Variants in RFX7 observed in about 807,000 individuals in gnomAD.
The protein encoded by RFX7 is DNA-binding protein RFX7.
A neutral mutation model predicts 111.8 loss-of-function variants in RFX7; 26 were observed. That is an observed-to-expected ratio of 0.23 (90% CI 0.17 to 0.32). The LOEUF is 0.32. RFX7 is among the 10% of genes least tolerant of loss of function. The pLI, the probability that RFX7 is intolerant of heterozygous loss-of-function variation, is 1.00. For synonymous variants in RFX7, 624 were observed against 624.4 expected (o/e 1.00, Z 0.01); for missense variants, 1,573 against 1,772.9 (o/e 0.89, Z 2.02).
At chr15:56,102,670 T>A (rs1360962466) in intron 6 of RFX7, among the ~76,000 whole-genome samples, 1 of 152,204 alleles carries the variant, frequency 6.6e-6, no homozygotes, top group Non-Finnish European at 1.5e-5. Flanking sequence ...AACCTTTTCG[T>A]TTCTCTTTTT....
chr15:56,100,938 A>C (rs1464404318), intron 8 of RFX7, among the ~76,000 whole-genome samples: 1 of 152,176 alleles, frequency 6.6e-6, no homozygotes, highest in East Asian at 1.9e-4. Flanking sequence ...AATTTTATTT[A>C]TAAGCATTAG....
At chr15:56,106,495 T>A (rs376354308) in intron 5 of RFX7, among the ~76,000 whole-genome samples, 59 of 152,300 alleles carry the variant, frequency 3.9e-4, no homozygotes, top group African/African-American at 1.3e-3. Flanking sequence ...AGGTTCTCAA[T>A]TTCTTTAATT....
At chr15:56,124,851 C>G (rs1199851706) in intron 5 of RFX7, among the ~76,000 whole-genome samples, 3 of 152,156 alleles carry the variant, frequency 2.0e-5, no homozygotes, top group Non-Finnish European at 4.4e-5. Flanking sequence ...TGTGAAGAAG[C>G]TTTTTGATCT....
intron 3 of RFX7, chr15:56,160,822 A>G (rs2042711588): frequency 6.6e-6 from 1 of 152,072 alleles, no homozygotes; most frequent in Non-Finnish European, 1.5e-5. Flanking sequence ...CTTGTTGCTT[A>G]GAATTCTTAA....
At chr15:56,144,571 T>C in intron 3 of RFX7, 88 bp from the exon 4 acceptor site, 1 of 493,058 alleles carries the variant, frequency 2.0e-6, no homozygotes. Flanking sequence ...CCCTAAACGA[T>C]AATGACTATT....
chr15:56,226,036 A>G (rs2043480128), intron 2 of RFX7, among the ~76,000 whole-genome samples: 1 of 152,104 alleles, frequency 6.6e-6, no homozygotes, highest in African/African-American at 2.4e-5. Flanking sequence ...ACAAGAGAGG[A>G]AAAACAAGAA....
intron 2 of RFX7, among the ~76,000 whole-genome samples, chr15:56,213,159 C>T (rs1255084077): frequency 6.6e-6 from 1 of 152,160 alleles, no homozygotes; most frequent in Non-Finnish European, 1.5e-5. Flanking sequence ...AGCAATTGTA[C>T]TCCTTGGTAC....
At chr15:56,187,211 ATT>A (rs572991858) in intron 2 of RFX7, among the ~76,000 whole-genome samples, 57 of 142,028 alleles carry the variant, frequency 4.0e-4, no homozygotes, top group Admixed American at 4.2e-4. Flanking sequence ...TACTGGTAGA[ATT>A]TTTTTTTTTT....
intron 3 of RFX7, among the ~76,000 whole-genome samples, chr15:56,146,852 A>G (rs921309032): frequency 6.6e-6 from 1 of 152,190 alleles, no homozygotes; most frequent in African/African-American, 2.4e-5. Flanking sequence ...AAAATTCTAT[A>G]AAGCAAACAA....
chr15:56,137,349 T>C (rs1171576314), intron 5 of RFX7, among the ~76,000 whole-genome samples: 5 of 152,120 alleles, frequency 3.3e-5, no homozygotes. Context: ...CTTGGGAGAG[T>C]GTATGTGTCA....
Position 56,229,253 on chromosome 15 carries a change from A to ATTG in RFX7, c.161+13869_161+13871dup, listed in dbSNP as rs1202293901. 5.9e-4 allele frequency among the ~76,000 whole-genome samples: 89 copies of ATTG among 152,098 alleles called. No individual in the cohort carries two copies. In the Middle Eastern group the frequency reaches 0.01, roughly 17 times the overall value. ...CTTTGCAACATGAGACTTTGGCCTAATTGTTGTTGTTGTTGTTGTTTTGTT... is the reference window on the plus strand; with the variant it reads ...CTTTGCAACATGAGACTTTGGCCTAATTGTTGTTGTTGTTGTTGTTGTTTTGTT... On this transcript the variant is annotated intron_variant, in intron 2 of 9. Transcript: ENST00000559447.
At position 56,095,858 on chromosome 15, in the gene RFX7, G is replaced by T; in HGVS notation, c.1870C>A (p.Leu624Ile). ...STGNNQSTIT[L>I]SVASQNLTFT... Reference sequence around the variant, plus strand: ...GTTAAGTTCTGAGAAGCAACTGATAGAGTGATAGTGCTTTGATTATTGCCT... The same window carrying T: ...GTTAAGTTCTGAGAAGCAACTGATATAGTGATAGTGCTTTGATTATTGCCT... Residue 624 changes from leucine (L) to isoleucine (I), a missense_variant, in exon 10 of 10, where the codon CTA (leucine) becomes ATA (isoleucine). By Grantham distance (5) the Leu-to-Ile change is conservative (BLOSUM62 2). Coordinates refer to ENST00000559447, the MANE Select transcript of RFX7 (RefSeq NM_022841.7). 6.2e-7 allele frequency: 1 copy of T among 1,606,908 alleles called. No homozygotes were observed. Among genetic ancestry groups the T allele is most frequent in the Non-Finnish European group, 8.5e-7 (1 of 1,179,828 alleles).
intron 3 of RFX7, among the ~76,000 whole-genome samples, chr15:56,161,843 A>G (rs1270705710): frequency 6.6e-6 from 1 of 152,112 alleles, no homozygotes; most frequent in Non-Finnish European, 1.5e-5. Context: ...AAAGGGTACC[A>G]AAGCCAAAAT....
chr15:56,213,930 T>C (rs1298351033), intron 2 of RFX7, among the ~76,000 whole-genome samples: 2 of 152,246 alleles, frequency 1.3e-5, no homozygotes, highest in Non-Finnish European at 2.9e-5. Flanking sequence ...CAATTGATTG[T>C]GGATCAAGGG....
chr15:56,234,541 T>A (rs16976833), intron 2 of RFX7, among the ~76,000 whole-genome samples: 1,861 of 152,322 alleles, frequency 0.012, 42 homozygotes, highest in African/African-American at 0.041. Context: ...TTAATAGATG[T>A]AATGACTGCA....
chr15:56,130,071 G>C (rs549382999), intron 5 of RFX7, among the ~76,000 whole-genome samples: 90 of 152,160 alleles, frequency 5.9e-4, no homozygotes, highest in African/African-American at 2.1e-3. Flanking sequence ...CCTAACATTT[G>C]TAAAGCAAAA....
At chr15:56,119,594 T>TG (rs2042049227) in intron 5 of RFX7, among the ~76,000 whole-genome samples, 1 of 151,868 alleles carries the variant, frequency 6.6e-6, no homozygotes, top group African/African-American at 2.4e-5. Context: ...CTGGCCAACA[T>TG]GGTGAAACCC....
chr15:56,230,655 A>C (rs1012543184), intron 2 of RFX7, among the ~76,000 whole-genome samples: 1 of 152,226 alleles, frequency 6.6e-6, no homozygotes, highest in African/African-American at 2.4e-5. Flanking sequence ...TGTTTATTAG[A>C]ACAGCACTGG....
chr15:56,221,125 C>T (rs1004369183), intron 2 of RFX7, among the ~76,000 whole-genome samples: 3 of 152,092 alleles, frequency 2.0e-5, no homozygotes, highest in Non-Finnish European at 2.9e-5. Context: ...TGATGCCTCC[C>T]GCTTTGTTCA....
Sources: gnomAD v4.1 joint callset for allele counts (sites outside exome capture counted in the v4.1 genomes callset) on GRCh38, gnomAD v4.1.1 for gene constraint, MANE v1.5 for transcripts, NCBI Gene and HGNC (gene_info 2026-07-23, HGNC 2026-07-21) for gene names.